Variants in ZNF609 observed in about 807,000 individuals in gnomAD.
The protein encoded by ZNF609 is zinc finger protein 609.
Under a neutral mutation model 109.5 loss-of-function variants are expected in ZNF609, and 11 were observed. That is an observed-to-expected ratio of 0.10 (90% CI 0.06 to 0.17). ZNF609 has a LOEUF of 0.17. Among genes scored for constraint, ZNF609 ranks in the 10% least tolerant of loss-of-function variants. The pLI is 1.00. For missense variants in ZNF609, 1,559 were observed against 1,772.4 expected (o/e 0.88, Z 2.16); for synonymous variants, 646 against 662.0 (o/e 0.98, Z 0.37).
intron 1 of ZNF609, among the ~76,000 whole-genome samples, chr15:64,479,465 G>A (rs2140336175): frequency 6.6e-6 from 1 of 151,528 alleles, no homozygotes; most frequent in Middle Eastern, 3.4e-3. Flanking sequence ...CTAATTTTTT[G>A]TATTTTTAGT....
intron 2 of ZNF609, among the ~76,000 whole-genome samples, chr15:64,510,223 C>G (rs1402754159): frequency 1.7e-5 from 2 of 118,268 alleles, no homozygotes; most frequent in Non-Finnish European, 3.7e-5. Flanking sequence ...TTTTTTTTAA[C>G]AGACAGGGTC....
intron 3 of ZNF609, among the ~76,000 whole-genome samples, chr15:64,657,148 A>G (rs1372318886): frequency 1.3e-5 from 2 of 151,838 alleles, no homozygotes; most frequent in Non-Finnish European, 2.9e-5. Context: ...AGTCCCAGCT[A>G]CTTGGGAGGC....
chr15:64,502,605 A>T (rs1473433905), intron 2 of ZNF609: 1 of 152,228 alleles, frequency 6.6e-6, no homozygotes, highest in Non-Finnish European at 1.5e-5. Flanking sequence ...GATAACAAAC[A>T]GAACCAAAAT....
At chr15:64,646,074 T>A in intron 3 of ZNF609, among the ~76,000 whole-genome samples, 1 of 152,292 alleles carries the variant, frequency 6.6e-6, no homozygotes, top group Middle Eastern at 3.4e-3. Context: ...ACACAAAAAC[T>A]TGTATGTGAA....
chr15:64,660,637 C>T (rs924630203), intron 3 of ZNF609, among the ~76,000 whole-genome samples: 6 of 152,202 alleles, frequency 3.9e-5, no homozygotes, highest in Middle Eastern at 3.2e-3. Context: ...CACTAATATG[C>T]TGTCTCTCTG....
intron 2 of ZNF609, among the ~76,000 whole-genome samples, chr15:64,515,532 C>G (rs565649889): frequency 9.2e-4 from 140 of 152,260 alleles, no homozygotes; most frequent in Non-Finnish European, 1.3e-3. Context: ...GTATTTGCCC[C>G]TCAGCCTTTG....
chr15:64,666,835 T>C (rs762895889), intron 3 of ZNF609, among the ~76,000 whole-genome samples: 8 of 150,420 alleles, frequency 5.3e-5, no homozygotes, highest in Non-Finnish European at 1.0e-4. Context: ...TTTTTAAAAA[T>C]CTAAGATTTG....
intron 3 of ZNF609, among the ~76,000 whole-genome samples, chr15:64,668,563 C>G (rs889492079): frequency 2.6e-5 from 4 of 152,066 alleles, no homozygotes; most frequent in African/African-American, 9.7e-5. Flanking sequence ...CTCAGGAGTT[C>G]AAGACCAGCC....
At chr15:64,669,267 A>T (rs528914691) in intron 3 of ZNF609, among the ~76,000 whole-genome samples, 1 of 152,296 alleles carries the variant, frequency 6.6e-6, no homozygotes, top group Non-Finnish European at 1.5e-5. Context: ...TTTGTACAAG[A>T]TTATTCATTG....
rs539093088 is a variant in ZNF609 at position 64,652,830 on chromosome 15, A to G, written c.974-17516A>G. 248 of 152,614 alleles carry G rather than the reference A, an allele frequency of 1.6e-3. 2 individuals carry two copies. The highest frequency in any genetic ancestry group is 5.6e-3 in the African/African-American group (234 of 41,560). 9.5% of individuals were successfully genotyped at this position (152,614 alleles called of 1,614,324 possible). A position where few individuals can be genotyped will look rare whatever the true frequency, so the allele number is the denominator to read the frequency against. The stretch of plus-strand genomic sequence containing the variant: ...ACTACAAGTGCGAGCTACCGCACCT[A>G]GTTCAATTTAGATTTTTCTATCATT... On this transcript the variant is annotated intron_variant, in intron 3 of 9. Transcript: ENST00000326648.
intron 1 of ZNF609, among the ~76,000 whole-genome samples, chr15:64,463,233 A>G (rs1284221247): frequency 6.6e-6 from 1 of 152,032 alleles, no homozygotes; most frequent in Admixed American, 6.6e-5. Context: ...CATCTCAACA[A>G]AAAATATAAA....
Position 64,680,249 on chromosome 15 carries a change from T to C in ZNF609, c.3834T>C (p.Asp1278=). Residue 1278 remains aspartate (D), a synonymous_variant, in exon 7 of 10, where the codon GAT becomes GAC. Transcript: ENST00000326648. The part of the protein sequence containing the change: ...PYGSKVSGGE[D]ADKARASPSV... Reference sequence around the variant, plus strand: ...GCAGCAAGGTCTCAGGTGGTGAAGATGCTGACAAGGCACGAGCCAGCCCCA... The same window carrying C: ...GCAGCAAGGTCTCAGGTGGTGAAGACGCTGACAAGGCACGAGCCAGCCCCA... 6.2e-7 allele frequency: 1 copy of C among 1,614,196 alleles called. No individual in the cohort carries two copies. Among genetic ancestry groups the C allele is most frequent in the Non-Finnish European group, 8.5e-7 (1 of 1,180,042 alleles).
Position 64,593,370 on chromosome 15 carries a change from A to C in ZNF609, c.748-29457A>C, listed in dbSNP as rs570830998. On this transcript the variant is annotated intron_variant, in intron 2 of 9. Coordinates refer to ENST00000326648, the MANE Select transcript of ZNF609 (RefSeq NM_015042.2). ...ACTGAAGACAGGCTATTCTCTGGAGAAAAATAAAATGGAAATTGTACTTAA... is the reference window on the plus strand; with the variant it reads ...ACTGAAGACAGGCTATTCTCTGGAGCAAAATAAAATGGAAATTGTACTTAA... The C allele has an allele frequency of 3.2e-6, 3 of 942,874 alleles. No homozygotes were observed. In the South Asian group the frequency reaches 3.9e-5, roughly 12 times the overall value. 58.4% of individuals were successfully genotyped at this position (942,874 alleles called of 1,614,324 possible). A position where few individuals can be genotyped will look rare whatever the true frequency, so the allele number is the denominator to read the frequency against.
At chr15:64,522,403 C>G (rs1226519275) in intron 2 of ZNF609, among the ~76,000 whole-genome samples, 1 of 152,208 alleles carries the variant, frequency 6.6e-6, no homozygotes, top group African/African-American at 2.4e-5. Context: ...AATCTCAACT[C>G]TGTCCCTTTA....
At position 64,515,810 on chromosome 15, in the gene ZNF609, C is replaced by T. The variant is rs555521485; in HGVS notation, c.747+15644C>T. Reference sequence around the variant, plus strand: ...AAAATTAGCCGGTCGTGGTGGCACACGCCTGTAATCCCAGCTACTCGGGAG... The same window carrying T: ...AAAATTAGCCGGTCGTGGTGGCACATGCCTGTAATCCCAGCTACTCGGGAG... On this transcript the variant is annotated intron_variant, in intron 2 of 9. Transcript: ENST00000326648. Among the ~76,000 whole-genome samples the T allele has an allele frequency of 3.3e-5, 5 of 151,956 alleles. No homozygotes were observed. The South Asian group carries it at 6.2e-4, about 19-fold the overall frequency.
chr15:64,570,388 T>C (rs1271014777), intron 2 of ZNF609, among the ~76,000 whole-genome samples: 1 of 152,228 alleles, frequency 6.6e-6, no homozygotes, highest in African/African-American at 2.4e-5. Flanking sequence ...AGCATAAATA[T>C]GTTTCTCAAA....
intron 3 of ZNF609, among the ~76,000 whole-genome samples, chr15:64,648,131 G>A (rs1255535562): frequency 3.3e-5 from 5 of 152,090 alleles, no homozygotes; most frequent in Non-Finnish European, 5.9e-5. Context: ...GTTTTACACC[G>A]AAAATACGAG....
chr15:64,649,394 A>C (rs1176355223), intron 3 of ZNF609, among the ~76,000 whole-genome samples: 1 of 150,568 alleles, frequency 6.6e-6, no homozygotes, highest in Non-Finnish European at 1.5e-5. Flanking sequence ...ACACACTCTC[A>C]CACTCTCTCT....
chr15:64,638,646 A>G (rs1896213025), intron 3 of ZNF609, among the ~76,000 whole-genome samples: 1 of 152,112 alleles, frequency 6.6e-6, no homozygotes, highest in Admixed American at 6.6e-5. Context: ...CTGTAATCCC[A>G]GCACTTTGGG....
Sources: gnomAD v4.1 joint callset for allele counts (sites outside exome capture counted in the v4.1 genomes callset) on GRCh38, gnomAD v4.1.1 for gene constraint, MANE v1.5 for transcripts, NCBI Gene and HGNC (gene_info 2026-07-23, HGNC 2026-07-21) for gene names.